CFAP47: variants seen among roughly 807,000 people sequenced by gnomAD.
CFAP47 encodes the protein cilia and flagella associated protein 47.
In CFAP47, 29 loss-of-function variants were observed where a neutral mutation model predicts 148.1. That is an observed-to-expected ratio of 0.20 (90% CI 0.15 to 0.27). The LOEUF is 0.27. CFAP47 is among the 10% of genes least tolerant of loss of function. CFAP47 has a pLI of 1.00. For synonymous variants in CFAP47, 664 were observed against 577.3 expected (o/e 1.15, Z -2.15); for missense variants, 1,872 against 1,697.5 (o/e 1.10, Z -1.81).
Position 36,324,964 on chromosome X carries a change from A to T in CFAP47, c.8443+5657A>T, listed in dbSNP as rs188768516. ...TTTTTATGGGACTGTTGATATCTAT[A>T]TCTACAGTTACATCTATATCTAGAT... On this transcript the variant is annotated intron_variant, in intron 57 of 63. Transcript: ENST00000378653. Among the ~76,000 whole-genome samples, 24 of 111,634 alleles carry T rather than the reference A, an allele frequency of 2.1e-4. 1 individual carries two copies. In the East Asian group the frequency reaches 6.8e-3, roughly 31 times the overall value.
At chrX:36,151,624 G>C (rs1435486857) in intron 37 of CFAP47, among the ~76,000 whole-genome samples, 2 of 111,143 alleles carry the variant, frequency 1.8e-5, no homozygotes, top group Non-Finnish European at 3.8e-5. Flanking sequence ...ATTCAGAGCT[G>C]GCACTTTTAT....
At chrX:36,279,234 C>CAT (rs1569307058) in intron 49 of CFAP47, among the ~76,000 whole-genome samples, 26 of 111,028 alleles carry the variant, frequency 2.3e-4, no homozygotes, top group African/African-American at 8.5e-4. Flanking sequence ...TTTCCATATG[C>CAT]GTTTCATTTC....
intron 26 of CFAP47, among the ~76,000 whole-genome samples, chrX:36,059,108 A>T (rs1032760501): frequency 2.7e-5 from 3 of 111,614 alleles, no homozygotes; most frequent in Admixed American, 1.9e-4. Context: ...GCCAGTTCTG[A>T]CCTTGTTTTT....
At chrX:36,231,829 T>C (rs1252294724) in intron 46 of CFAP47, among the ~76,000 whole-genome samples, 1 of 111,888 alleles carries the variant, frequency 8.9e-6, no homozygotes, top group Non-Finnish European at 1.9e-5. Context: ...TGAAGGATTG[T>C]TGAATTTTGT....
At chrX:36,246,958 A>G (rs1257674470) in intron 48 of CFAP47, among the ~76,000 whole-genome samples, 2 of 111,367 alleles carry the variant, frequency 1.8e-5, no homozygotes, top group Non-Finnish European at 3.8e-5. Context: ...CACTCTACCA[A>G]AAAGACACAT....
intron 51 of CFAP47, among the ~76,000 whole-genome samples, chrX:36,288,979 A>G (rs974962874): frequency 4.3e-5 from 4 of 93,636 alleles, no homozygotes; most frequent in African/African-American, 1.6e-4. Context: ...ACTGTTTTCA[A>G]TGTATTTTCT....
chrX:36,219,506 ATAT>A (rs1383912303), intron 45 of CFAP47, among the ~76,000 whole-genome samples: 2 of 111,001 alleles, frequency 1.8e-5, no homozygotes, highest in African/African-American at 3.3e-5. Flanking sequence ...TTTGGCTGTA[ATAT>A]TATTGGTGGG....
intron 1 of CFAP47, among the ~76,000 whole-genome samples, chrX:35,923,689 G>T (rs1372239006): frequency 1.8e-5 from 2 of 109,194 alleles, no homozygotes; most frequent in East Asian, 5.8e-4. Context: ...GCATGATGGT[G>T]CACACCTGTA....
chrX:36,109,500 G>A (rs910419535), intron 33 of CFAP47, among the ~76,000 whole-genome samples: 6 of 110,641 alleles, frequency 5.4e-5, no homozygotes, highest in African/African-American at 2.0e-4. Flanking sequence ...TTTTTGAGAT[G>A]GAGTCTAGCT....
At chrX:36,153,639 C>G (rs1424060641) in intron 37 of CFAP47, among the ~76,000 whole-genome samples, 1 of 112,447 alleles carries the variant, frequency 8.9e-6, no homozygotes, top group East Asian at 2.8e-4. Flanking sequence ...CCCCAAGACT[C>G]TCCAGGGTAC....
At chrX:36,111,031 A>G (rs1189459231) in intron 33 of CFAP47, among the ~76,000 whole-genome samples, 1 of 111,856 alleles carries the variant, frequency 8.9e-6, no homozygotes, top group Non-Finnish European at 1.9e-5. Context: ...TTTTACATAT[A>G]GAATCGTGTT....
intron 50 of CFAP47, among the ~76,000 whole-genome samples, 163 bp from the exon 51 acceptor site, chrX:36,285,466 T>C (rs1451341443): frequency 1.8e-5 from 2 of 111,801 alleles, no homozygotes; most frequent in Non-Finnish European, 3.8e-5. Context: ...TATTCCTCAC[T>C]AACTGTGATA....
intron 55 of CFAP47, 127 bp from the exon 56 acceptor site, chrX:36,310,706 C>T (rs1941386721): frequency 2.9e-6 from 1 of 346,020 alleles, no homozygotes; most frequent in Admixed American, 5.9e-5. Flanking sequence ...AAAAATAAAA[C>T]AATGCTTTTT....
intron 39 of CFAP47, among the ~76,000 whole-genome samples, chrX:36,164,255 A>C (rs1013173588): frequency 3.6e-5 from 4 of 111,516 alleles, no homozygotes; most frequent in African/African-American, 1.3e-4. Flanking sequence ...TTTTCTATTC[A>C]TAATTAAAAG....
intron 21 of CFAP47, among the ~76,000 whole-genome samples, chrX:36,012,757 A>C (rs1362216357): frequency 9.0e-6 from 1 of 111,298 alleles, no homozygotes; most frequent in Admixed American, 9.6e-5. Context: ...GGTGCAGCAA[A>C]CCACCATGGC....
At chrX:36,251,173 G>T (rs1940686850) in intron 48 of CFAP47, among the ~76,000 whole-genome samples, 160 bp from the exon 49 acceptor site, 1 of 110,647 alleles carries the variant, frequency 9.0e-6, no homozygotes, top group Non-Finnish European at 1.9e-5. Context: ...AATTTTTCTG[G>T]CTTGCTGTTT....
Position 36,285,635 on chromosome X carries a change from A to G in CFAP47, c.7595A>G (p.Asn2532Ser). The change falls in exon 51 of 64, where the codon AAT becomes AGT. Residue 2532 changes from asparagine (N) to serine (S), a missense_variant. By Grantham distance (46) the Asn-to-Ser change is conservative (BLOSUM62 1). Coordinates refer to ENST00000378653, the MANE Select transcript of CFAP47 (RefSeq NM_001304548.2). ...GTTTTGTTTTGTTTTTCAGATGGTA[A>G]TTTTAACAATTTAAGATTCTGGTAT... ...SILDDADTYG[N>S]FNNLRFWYNL... is the part of the protein sequence containing the mutation. 1 of 903,478 alleles carries G rather than the reference A, an allele frequency of 1.1e-6. No individual in the cohort carries two copies. The highest frequency in any genetic ancestry group is 1.6e-6 in the Non-Finnish European group (1 of 635,319). The allele number at this position is 903,478 out of a possible 1,213,427, so 74.5% of individuals were successfully genotyped here.
Position 36,371,495 on chromosome X carries a change from GTGTGTATATATA to G in CFAP47, c.9185+4386_9185+4397del, listed in dbSNP as rs782108528. 7.5e-4 allele frequency among the ~76,000 whole-genome samples: 79 copies of G among 105,538 alleles called. 1 individual carries two copies. The highest frequency in any genetic ancestry group is 1.7e-3 in the South Asian group (4 of 2,402). The allele number at this position is 105,538 out of a possible 115,157, so 91.6% of individuals were successfully genotyped here. A position where few individuals can be genotyped will look rare whatever the true frequency, so the allele number is the denominator to read the frequency against. ...AAGAAAACTAATTGTAGGGCTGGGTGTGTGTATATATATGTGTATATATATGTGTGTATATAT... is the reference window on the plus strand; with the variant it reads ...AAGAAAACTAATTGTAGGGCTGGGTGTGTGTATATATATGTGTGTATATAT... On this transcript the variant is annotated intron_variant, in intron 62 of 63. Coordinates refer to ENST00000378653, the MANE Select transcript of CFAP47 (RefSeq NM_001304548.2).
At chrX:35,984,564 T>C (rs1601916346) in intron 15 of CFAP47, among the ~76,000 whole-genome samples, 2 of 111,574 alleles carry the variant, frequency 1.8e-5, no homozygotes, top group Non-Finnish European at 3.8e-5. Flanking sequence ...TTTGAGACCT[T>C]TCTAAGTTTT....
Sources: allele counts gnomAD v4.1 joint callset (sites outside exome capture counted in the v4.1 genomes callset), GRCh38; gene constraint gnomAD v4.1.1; transcripts MANE v1.5; gene names NCBI Gene and HGNC (gene_info 2026-07-23, HGNC 2026-07-21).